The following CTNND2 variants were observed in gnomAD, a reference collection of about 807,000 sequenced individuals.
CTNND2 encodes catenin delta-2.
A neutral mutation model predicts 144.4 loss-of-function variants in CTNND2; 22 were observed. The observed-to-expected ratio is 0.15, with a 90% CI of 0.11 to 0.22. The LOEUF (loss-of-function observed/expected upper bound fraction) is 0.22. CTNND2 is among the 10% of genes least tolerant of loss of function. The pLI, the probability that CTNND2 is intolerant of heterozygous loss-of-function variation, is 1.00. For missense variants in CTNND2, 1,353 were observed against 1,618.8 expected (o/e 0.84, Z 2.82); for synonymous variants, 751 against 695.6 (o/e 1.08, Z -1.25).
chr5:11,246,111 A>G lies in CTNND2; in HGVS notation c.1629-9288T>C, dbSNP rs116211823. On this transcript the variant is annotated intron_variant, in intron 9 of 21. Transcript: ENST00000304623. ...TTAATGGCCACTGCGTGTTTGTCCA[A>G]TGGAATACAGTGTTGAATGGAGCAA... 6.6e-3 allele frequency among the ~76,000 whole-genome samples: 1,001 copies of G among 152,288 alleles called. 10 individuals carry two copies. The highest frequency in any genetic ancestry group is 0.023 in the African/African-American group (953 of 41,568).
At position 11,350,418 on chromosome 5, in the gene CTNND2, A is replaced by G. The variant is rs183101897; in HGVS notation, c.1373-3791T>C. Among the ~76,000 whole-genome samples the G allele has an allele frequency of 2.8e-4, 42 of 152,114 alleles. 1 individual carries two copies. The highest frequency in any genetic ancestry group is 3.4e-3 in the Middle Eastern group (1 of 292). On this transcript the variant is annotated intron_variant, in intron 8 of 21. Coordinates refer to ENST00000304623, the MANE Select transcript of CTNND2 (RefSeq NM_001332.4). ...TTAAACTGTTTTACATTTTAGTTTA[A>G]CCAGTGATATCACTACTATGAAAAG...
At chr5:11,423,196 C>T (rs960096690) in intron 3 of CTNND2, among the ~76,000 whole-genome samples, 1 of 152,188 alleles carries the variant, frequency 6.6e-6, no homozygotes, top group African/African-American at 2.4e-5. Context: ...AACCATCAAA[C>T]TGAATAGTTT....
chr5:11,380,973 C>G (rs1199505179), intron 7 of CTNND2, among the ~76,000 whole-genome samples: 2 of 152,178 alleles, frequency 1.3e-5, no homozygotes, highest in Non-Finnish European at 2.9e-5. Context: ...ACCAGAACTA[C>G]TCCCAGACCA....
At position 11,610,129 on chromosome 5, in the gene CTNND2, T is replaced by C. The variant is rs187552962; in HGVS notation, c.175-45073A>G. Among the ~76,000 whole-genome samples the C allele has an allele frequency of 2.8e-3, 433 of 152,298 alleles. 8 individuals carry two copies. Among genetic ancestry groups the C allele is most frequent in the Admixed American group, 0.026 (394 of 15,296 alleles). On this transcript the variant is annotated intron_variant, in intron 2 of 21. Transcript: ENST00000304623. Reference sequence around the variant, plus strand: ...AGCTCCCCATACACTGAGTTCTCTCTACATGCACAGATCAAAGCCGCTTGG... The same window carrying C: ...AGCTCCCCATACACTGAGTTCTCTCCACATGCACAGATCAAAGCCGCTTGG...
intron 1 of CTNND2, among the ~76,000 whole-genome samples, chr5:11,845,819 T>C (rs1794707117): frequency 6.6e-6 from 1 of 152,220 alleles, no homozygotes; most frequent in Admixed American, 6.5e-5. Context: ...AGAAAGGATT[T>C]TTTCAAGGGA....
chr5:11,135,147 G>A (rs936098679), intron 12 of CTNND2, among the ~76,000 whole-genome samples: 7 of 152,168 alleles, frequency 4.6e-5, no homozygotes, highest in Non-Finnish European at 7.3e-5. Context: ...GAAAACAAAA[G>A]AGAAGGCTCG....
intron 1 of CTNND2, among the ~76,000 whole-genome samples, chr5:11,886,623 A>G (rs898982419): frequency 1.3e-5 from 2 of 152,188 alleles, no homozygotes; most frequent in African/African-American, 4.8e-5. Context: ...AAAGTAAAGT[A>G]GGCATCTTGT....
At chr5:11,644,293 G>A (rs1272778101) in intron 2 of CTNND2, among the ~76,000 whole-genome samples, 1 of 152,172 alleles carries the variant, frequency 6.6e-6, no homozygotes, top group African/African-American at 2.4e-5. Flanking sequence ...TCACATTAAA[G>A]TAGCTTATTT....
At chr5:11,506,756 G>GCAAGCCTTCCA (rs1771084821) in intron 3 of CTNND2, among the ~76,000 whole-genome samples, 1 of 152,204 alleles carries the variant, frequency 6.6e-6, no homozygotes, top group Non-Finnish European at 1.5e-5. Context: ...CTGATGGCTA[G>GCAAGCCTTCCA]CAAGCCTTCC....
At chr5:11,204,192 C>T (rs1043697302) in intron 10 of CTNND2, among the ~76,000 whole-genome samples, 13 of 152,156 alleles carry the variant, frequency 8.5e-5, no homozygotes, top group African/African-American at 3.1e-4. Flanking sequence ...TCAAATAAAG[C>T]AAAACTATGC....
intron 16 of CTNND2, among the ~76,000 whole-genome samples, chr5:11,053,614 G>A (rs1746065519): frequency 6.6e-6 from 1 of 152,134 alleles, no homozygotes; most frequent in African/African-American, 2.4e-5. Flanking sequence ...ATGTGCATGG[G>A]GCCACAAAAT....
intron 2 of CTNND2, among the ~76,000 whole-genome samples, chr5:11,650,264 C>T (rs1318852771): frequency 6.6e-6 from 1 of 152,186 alleles, no homozygotes; most frequent in Non-Finnish European, 1.5e-5. Context: ...GAAGACATGC[C>T]TGCTTCACCT....
chr5:11,339,650 G>C (rs76201660), intron 9 of CTNND2, among the ~76,000 whole-genome samples: 3,064 of 152,236 alleles, frequency 0.02, 223 homozygotes, highest in East Asian at 0.16. Context: ...GATGCATTAG[G>C]AGGTGGAGAT....
intron 10 of CTNND2, among the ~76,000 whole-genome samples, chr5:11,224,639 C>T (rs1013232164): frequency 2.0e-5 from 3 of 152,174 alleles, no homozygotes; most frequent in African/African-American, 2.4e-5. Context: ...TGTGCATGAC[C>T]GCTAGTATCC....
chr5:11,361,640 G>A (rs1341012106), intron 8 of CTNND2, among the ~76,000 whole-genome samples: 1 of 152,208 alleles, frequency 6.6e-6, no homozygotes, highest in Non-Finnish European at 1.5e-5. Context: ...CCTGGAAGAA[G>A]TTACAAGCTA....
At chr5:11,626,004 T>C (rs1446926280) in intron 2 of CTNND2, among the ~76,000 whole-genome samples, 1 of 152,194 alleles carries the variant, frequency 6.6e-6, no homozygotes, top group African/African-American at 2.4e-5. Flanking sequence ...ATATAACGTT[T>C]CTGCTGACAA....
At chr5:11,479,687 C>T (rs1768066572) in intron 3 of CTNND2, among the ~76,000 whole-genome samples, 1 of 152,104 alleles carries the variant, frequency 6.6e-6, no homozygotes, top group Non-Finnish European at 1.5e-5. Flanking sequence ...TTAATCATAG[C>T]CACTCTGACT....
At chr5:11,328,267 AT>A (rs1752736489) in intron 9 of CTNND2, among the ~76,000 whole-genome samples, 1 of 151,706 alleles carries the variant, frequency 6.6e-6, no homozygotes, top group Non-Finnish European at 1.5e-5. Flanking sequence ...TGCATGTTAA[AT>A]TTTAAACACT....
chr5:11,333,758 A>C, intron 9 of CTNND2, among the ~76,000 whole-genome samples: 2 of 152,302 alleles, frequency 1.3e-5, no homozygotes, highest in Middle Eastern at 3.4e-3. Context: ...TTTGCTTGAA[A>C]GGGTTTGCTC....
Sources: gnomAD v4.1 joint callset for allele counts (sites outside exome capture counted in the v4.1 genomes callset) on GRCh38, gnomAD v4.1.1 for gene constraint, MANE v1.5 for transcripts, NCBI Gene and HGNC (gene_info 2026-07-23, HGNC 2026-07-21) for gene names.